CANT1: variants seen among roughly 807,000 people sequenced by gnomAD.
CANT1 encodes the protein calcium activated nucleotidase 1, also known as soluble calcium-activated nucleotidase 1.
Under a neutral mutation model 30.0 loss-of-function variants are expected in CANT1, and 26 were observed. The ratio of observed to expected loss-of-function variants is 0.87; its 90% CI spans 0.64 to 1.20. The LOEUF is 1.20. Ranked by LOEUF, CANT1 falls within the 50% of genes most tolerant of loss-of-function variation. CANT1 has a pLI of 0.00. For missense variants in CANT1, 518 were observed against 563.0 expected, an observed-to-expected ratio of 0.92 and a Z score of 0.81; for synonymous variants, 246 against 251.8, an observed-to-expected ratio of 0.98 and a Z score of 0.22.
chr17:79,001,529 C>T (rs1343132068), intron 1 of CANT1, among the ~76,000 whole-genome samples: 1 of 152,174 alleles, frequency 6.6e-6, no homozygotes, highest in Admixed American at 6.5e-5. Flanking sequence ...AAGGAAAACC[C>T]TTCCCTGAGT....
rs746092232 is a variant in CANT1, at chr17:78,996,976, C to A, written c.631+16G>T. 6.2e-7 allele frequency: 1 copy of A among 1,613,542 alleles called. No homozygotes were observed. Among genetic ancestry groups the A allele is most frequent in the African/African-American group, 1.3e-5 (1 of 74,946 alleles). ...CTCCCCACCCACACCTCCATAAAAC[C>A]TCAGGGTCCAGTTACCTTTCTCCAC... On this transcript the variant is annotated intron_variant, in intron 3 of 4. Transcript: ENST00000392446. The surrounding 1 kb of genome is among the most constrained non-coding windows in gnomAD (Gnocchi z 5.1).
chr17:78,993,271 A>G lies in CANT1; in HGVS notation c.*279T>C. 1 of 507,276 alleles carries G rather than the reference A, an allele frequency of 2.0e-6. No homozygotes were observed. The highest frequency in any genetic ancestry group is 3.6e-6 in the Non-Finnish European group (1 of 279,232). The allele number at this position is 507,276 out of a possible 1,614,324, so 31.4% of individuals were successfully genotyped here. On this transcript the variant is annotated 3_prime_UTR_variant, in exon 5 of 5. Coordinates refer to ENST00000392446, the MANE Select transcript of CANT1 (RefSeq NM_001159773.2). The surrounding 1 kb of genome is among the most constrained non-coding windows in gnomAD (Gnocchi z 4.5). Reference sequence around the variant, plus strand: ...TAGGAAAGAAAAGAAACGAGGTCGGATGGAAGAAACGACCCAGCCAGTTAG... The same window carrying G: ...TAGGAAAGAAAAGAAACGAGGTCGGGTGGAAGAAACGACCCAGCCAGTTAG...
At position 78,992,278 on chromosome 17, in the gene CANT1, C is replaced by T. The variant is rs1435859536; in HGVS notation, c.*1272G>A. On this transcript the variant is annotated 3_prime_UTR_variant, in exon 5 of 5. Transcript: ENST00000392446. ...AGGGACAGCCAGAGCCGGCACCCTCCGGCCCACCGTGGCACCCCTGACGAT... is the reference window on the plus strand; with the variant it reads ...AGGGACAGCCAGAGCCGGCACCCTCTGGCCCACCGTGGCACCCCTGACGAT... The T allele has an allele frequency of 3.0e-5, 7 of 231,544 alleles. No individual in the cohort carries two copies. The highest frequency in any genetic ancestry group is 4.4e-5 in the African/African-American group (2 of 44,984). The allele number at this position is 231,544 out of a possible 1,614,324, so 14.3% of individuals were successfully genotyped here.
At chr17:79,006,908 G>A (rs1015766479) in intron 1 of CANT1, among the ~76,000 whole-genome samples, 4 of 152,140 alleles carry the variant, frequency 2.6e-5, no homozygotes, top group Non-Finnish European at 5.9e-5. Flanking sequence ...AGGCCGAATC[G>A]CCAGGACTTT....
At chr17:79,005,564 G>A (rs73399885) in intron 1 of CANT1, 28,800 of 152,074 alleles carry the variant, frequency 0.19, 3,086 homozygotes, top group East Asian at 0.4. Context: ...GATCCAGGCA[G>A]GGCAGGAAGC....
chr17:79,000,665 G>A (rs138842684), intron 1 of CANT1, among the ~76,000 whole-genome samples: 223 of 152,270 alleles, frequency 1.5e-3, no homozygotes, highest in Middle Eastern at 6.8e-3. Flanking sequence ...TGGCTACATA[G>A]ACCTCCTTCT....
At chr17:78,999,572 C>T (rs2071170770) in intron 1 of CANT1, among the ~76,000 whole-genome samples, 1 of 151,790 alleles carries the variant, frequency 6.6e-6, no homozygotes, top group Non-Finnish European at 1.5e-5. Context: ...ACCTCTGAGG[C>T]TCAAGCGATC....
intron 1 of CANT1, among the ~76,000 whole-genome samples, chr17:79,007,717 G>A (rs2071600694): frequency 6.6e-6 from 1 of 152,200 alleles, no homozygotes; most frequent in Non-Finnish European, 1.5e-5. Context: ...TGCAGACCAG[G>A]TGCACAGTGA....
At chr17:79,005,415 G>C (rs2071514856) in intron 1 of CANT1, 1 of 152,160 alleles carries the variant, frequency 6.6e-6, no homozygotes, top group Non-Finnish European at 1.5e-5. Context: ...TCTGAGCAAG[G>C]CTATAATGAA....
chr17:79,006,857 TCTC>T (rs1180715082), intron 1 of CANT1, among the ~76,000 whole-genome samples: 4 of 152,126 alleles, frequency 2.6e-5, no homozygotes, highest in Non-Finnish European at 5.9e-5. Flanking sequence ...TGCCACCTTC[TCTC>T]CTCACGCTTT....
intron 1 of CANT1, among the ~76,000 whole-genome samples, chr17:79,004,018 G>C (rs868121143): frequency 1.7e-5 from 1 of 59,424 alleles, no homozygotes; most frequent in African/African-American, 7.7e-5. Context: ...AGGAAGAGGG[G>C]AGTTAGGGAG....
In CANT1 at chr17:79,002,089, C is replaced by T. The variant is rs1289437600; in HGVS notation, c.-146-4126G>A. ...CAGAGTCTTGGTCTAATGATCTAGA[C>T]CAAGCTTGTCCAACATGTGGTCCAA... is the stretch of plus-strand genomic sequence containing the variant. On this transcript the variant is annotated intron_variant, in intron 1 of 4. Coordinates refer to ENST00000392446, the MANE Select transcript of CANT1 (RefSeq NM_001159773.2). The surrounding 1 kb of genome is among the most constrained non-coding windows in gnomAD (Gnocchi z 4.0). Among the ~76,000 whole-genome samples the T allele has an allele frequency of 6.6e-6, 1 of 152,158 alleles. No homozygotes were observed. Among genetic ancestry groups the T allele is most frequent in the Admixed American group, 6.5e-5 (1 of 15,272 alleles).
At chr17:78,994,710 G>T (rs763136519) in intron 4 of CANT1, among the ~76,000 whole-genome samples, 3 of 152,212 alleles carry the variant, frequency 2.0e-5, no homozygotes, top group Non-Finnish European at 2.9e-5. Flanking sequence ...ATCACCCGAA[G>T]TCAGGAGTTC....
rs2070893662 is a variant in CANT1, at chr17:78,993,127, G to A, written c.*423C>T. On this transcript the variant is annotated 3_prime_UTR_variant, in exon 5 of 5. Transcript: ENST00000392446. This position sits in a 1 kb window ranked among gnomAD's most constrained non-coding sequence, Gnocchi z 4.5. Reference sequence around the variant, plus strand: ...CTCCAGGCACAGAGTAGGAAGAAAAGGGGGTGACCTGGGGTTCCCAGCAAA... The same window carrying A: ...CTCCAGGCACAGAGTAGGAAGAAAAAGGGGTGACCTGGGGTTCCCAGCAAA... 1 of 352,092 alleles carries A rather than the reference G, an allele frequency of 2.8e-6. No individual in the cohort carries two copies. Among genetic ancestry groups the A allele is most frequent in the East Asian group, 4.6e-5 (1 of 21,686 alleles). The allele number at this position is 352,092 out of a possible 1,614,324, so 21.8% of individuals were successfully genotyped here.
In CANT1 at chr17:78,998,738, G is replaced by A. The variant is rs943642763; in HGVS notation, c.-146-775C>T. ...CAGCCGCCAAGTGCCACAGTGGGGC[G>A]TGGGGAGACAGCTCCCGGTGCTTCG... On this transcript the variant is annotated intron_variant, in intron 1 of 4. Transcript: ENST00000392446. This position sits in a 1 kb window ranked among gnomAD's most constrained non-coding sequence, Gnocchi z 4.5. 1.3e-5 allele frequency among the ~76,000 whole-genome samples: 2 copies of A among 152,276 alleles called. No individual in the cohort carries two copies. The highest frequency in any genetic ancestry group is 4.8e-5 in the African/African-American group (2 of 41,480).
At position 78,996,234 on chromosome 17, in the gene CANT1, TTCC is replaced by T. The variant is rs2057410932; in HGVS notation, c.631+755_631+757del. ...CTGTGTGGGCCGTTGTTTAGTGCAG[TTCC>T]TCCTTGACCTCAGAAAGCCTGCGGT... On this transcript the variant is annotated intron_variant, in intron 3 of 4. Transcript: ENST00000392446. The surrounding 1 kb of genome is among the most constrained non-coding windows in gnomAD (Gnocchi z 5.1). Among the ~76,000 whole-genome samples, 1 of 152,128 alleles carries T rather than the reference TTCC, an allele frequency of 6.6e-6. No individual in the cohort carries two copies. The highest frequency in any genetic ancestry group is 6.5e-5 in the Admixed American group (1 of 15,284).
intron 1 of CANT1, among the ~76,000 whole-genome samples, chr17:79,003,465 G>A (rs2071339513): frequency 1.4e-5 from 2 of 142,658 alleles, no homozygotes; most frequent in African/African-American, 2.5e-5. Flanking sequence ...GGGGGTGGGG[G>A]GGCTCTTTTG....
chr17:78,997,633 G>A lies in CANT1; in HGVS notation c.-11C>T. On this transcript the variant is annotated 5_prime_UTR_variant, in exon 3 of 5. Transcript: ENST00000392446. This position sits in a 1 kb window ranked among gnomAD's most constrained non-coding sequence, Gnocchi z 7.5. ...CAGCTGCACGGGCATCAGCGTGACA[G>A]ACAGGCGGGACCTGCACAGCCAGGG... is the stretch of plus-strand genomic sequence containing the variant. 1 of 1,562,436 alleles carries A rather than the reference G, an allele frequency of 6.4e-7. No homozygotes were observed. Among genetic ancestry groups the A allele is most frequent in the Non-Finnish European group, 8.7e-7 (1 of 1,153,442 alleles).
chr17:78,999,766 G>C (rs1038376674), intron 1 of CANT1, among the ~76,000 whole-genome samples: 3 of 146,298 alleles, frequency 2.1e-5, no homozygotes, highest in African/African-American at 7.6e-5. Flanking sequence ...TGATTCTCCT[G>C]CCTCAGATTC....
Sources: gnomAD v4.1 joint callset for allele counts (sites outside exome capture counted in the v4.1 genomes callset) on GRCh38, gnomAD v4.1.1 for gene constraint, Gnocchi (gnomAD v3.1) non-coding constraint, MANE v1.5 for transcripts, NCBI Gene and HGNC (gene_info 2026-07-23, HGNC 2026-07-21) for gene names.